Variants in LARGE1 observed in about 807,000 individuals in gnomAD.
LARGE1 encodes the protein xylosyl- and glucuronyltransferase LARGE1.
Under a neutral mutation model 87.6 loss-of-function variants are expected in LARGE1, and 43 were observed. That is an observed-to-expected ratio of 0.49 (90% CI 0.38 to 0.63). The LOEUF is 0.63. Ranked by LOEUF, LARGE1 falls within the 30% of genes least tolerant of loss-of-function variation. The pLI is 0.00. For synonymous variants in LARGE1, 434 were observed against 394.6 expected, an observed-to-expected ratio of 1.10 and a Z score of -1.18; for missense variants, 802 against 1,000.2, an observed-to-expected ratio of 0.80 and a Z score of 2.67.
intron 12 of LARGE1, among the ~76,000 whole-genome samples, chr22:33,297,401 G>T (rs1933441987): frequency 6.6e-6 from 1 of 152,054 alleles, no homozygotes; most frequent in South Asian, 2.1e-4. Context: ...CTGAGGTCAG[G>T]AGTCTGAGAC....
chr22:33,747,492 C>T (rs941177622), intron 2 of LARGE1, among the ~76,000 whole-genome samples: 3 of 152,146 alleles, frequency 2.0e-5, no homozygotes, highest in African/African-American at 4.8e-5. Context: ...CTTAATGTCA[C>T]CAGTAAGAGA....
intron 1 of LARGE1, among the ~76,000 whole-genome samples, chr22:33,831,775 CACACACACAT>C (rs2146337644): frequency 6.6e-6 from 1 of 151,912 alleles, no homozygotes; most frequent in South Asian, 2.1e-4. Context: ...CACACACACA[CACACACACAT>C]ACACATACAC....
intron 2 of LARGE1, among the ~76,000 whole-genome samples, chr22:33,676,074 A>G (rs1344903403): frequency 1.3e-5 from 2 of 152,014 alleles, no homozygotes; most frequent in African/African-American, 4.8e-5. Context: ...CATTAAAAGC[A>G]CTAGCAGTAC....
chr22:33,780,594 A>G (rs1038094915), intron 1 of LARGE1, among the ~76,000 whole-genome samples: 1 of 152,232 alleles, frequency 6.6e-6, no homozygotes, highest in African/African-American at 2.4e-5. Flanking sequence ...CCTGATGAAC[A>G]CAGCCTCTCT....
intron 2 of LARGE1, among the ~76,000 whole-genome samples, chr22:33,691,412 TCA>T (rs1220483808): frequency 6.6e-6 from 1 of 152,020 alleles, no homozygotes; most frequent in Non-Finnish European, 1.5e-5. Context: ...ACGACATTGA[TCA>T]CAGAGAGAAT....
At chr22:33,369,563 T>A (rs1332716184) in intron 9 of LARGE1, among the ~76,000 whole-genome samples, 1 of 152,018 alleles carries the variant, frequency 6.6e-6, no homozygotes, top group African/African-American at 2.4e-5. Context: ...TGGTGACTTT[T>A]CTTTTTCTTT....
chr22:33,161,907 C>T (rs1397130838), downstream of LARGE1, among the ~76,000 whole-genome samples: 1 of 152,186 alleles, frequency 6.6e-6, no homozygotes, highest in Non-Finnish European at 1.5e-5. Flanking sequence ...TTTCAAGAAC[C>T]ACCTTTATTC....
At chr22:33,215,817 G>A (rs1925176519) in intron 11 of LARGE1, among the ~76,000 whole-genome samples, 1 of 152,202 alleles carries the variant, frequency 6.6e-6, no homozygotes, top group Non-Finnish European at 1.5e-5. Flanking sequence ...TTAGCCAGGT[G>A]TGGTGGCGCA....
At chr22:33,287,908 G>A (rs143122534) in intron 12 of LARGE1, among the ~76,000 whole-genome samples, 349 of 152,308 alleles carry the variant, frequency 2.3e-3, no homozygotes, top group African/African-American at 8.3e-3. Context: ...TAGACAAGGC[G>A]TCTAGCTCTG....
chr22:33,356,410 G>T (rs1940894470), intron 9 of LARGE1, among the ~76,000 whole-genome samples: 1 of 152,204 alleles, frequency 6.6e-6, no homozygotes, highest in African/African-American at 2.4e-5. Context: ...TCCCAGCTGT[G>T]CCACCAACCG....
Position 33,519,230 on chromosome 22 carries a change from G to GCA in LARGE1, c.787+45617_787+45618insTG, listed in dbSNP as rs2071451126. On this transcript the variant is annotated intron_variant, in intron 6 of 14. Coordinates refer to ENST00000397394, the MANE Select transcript of LARGE1 (RefSeq NM_133642.5). Reference sequence around the variant, plus strand: ...GCAGGTCCCTGAGCTGCGTGCGTGCGCGCGCGTGTGTGTGTGTGTGTGTGT... The same window carrying GCA: ...GCAGGTCCCTGAGCTGCGTGCGTGCGCACGCGCGTGTGTGTGTGTGTGTGTGT... Among the ~76,000 whole-genome samples the GCA allele has an allele frequency of 3.6e-5, 5 of 137,720 alleles. No individual in the cohort carries two copies. The South Asian group carries it at 1.2e-3, about 33-fold the overall frequency. The allele number at this position is 137,720 out of a possible 152,430, so 90.3% of individuals were successfully genotyped here. A position where few individuals can be genotyped will look rare whatever the true frequency, so the allele number is the denominator to read the frequency against.
intron 1 of LARGE1, among the ~76,000 whole-genome samples, chr22:33,879,672 AAATT>A (rs1440810915): frequency 6.6e-6 from 1 of 152,182 alleles, no homozygotes; most frequent in Non-Finnish European, 1.5e-5. Flanking sequence ...CCTTTTAGTA[AAATT>A]AATTAACCAC....
At chr22:33,281,801 T>C (rs1930491804) in intron 13 of LARGE1, among the ~76,000 whole-genome samples, 1 of 152,158 alleles carries the variant, frequency 6.6e-6, no homozygotes, top group South Asian at 2.1e-4. Context: ...TTCATCTGTA[T>C]AAAATGTGAA....
intron 6 of LARGE1, among the ~76,000 whole-genome samples, chr22:33,545,737 C>A (rs1277799815): frequency 6.6e-6 from 1 of 152,076 alleles, no homozygotes; most frequent in East Asian, 1.9e-4. Context: ...CTGCGCCCAG[C>A]CAACACCCAG....
chr22:33,395,950 G>C (rs1045614473), intron 7 of LARGE1, among the ~76,000 whole-genome samples: 1 of 152,204 alleles, frequency 6.6e-6, no homozygotes, highest in Non-Finnish European at 1.5e-5. Flanking sequence ...CTGTCAGAAC[G>C]ATTTGCCCCT....
At chr22:33,506,896 G>A (rs1339698464) in intron 6 of LARGE1, among the ~76,000 whole-genome samples, 2 of 152,160 alleles carry the variant, frequency 1.3e-5, no homozygotes, top group Non-Finnish European at 2.9e-5. Context: ...GTTAGACTCT[G>A]TCTCAAACAA....
At chr22:33,595,193 G>A (rs1163941726) in intron 5 of LARGE1, among the ~76,000 whole-genome samples, 2 of 151,916 alleles carry the variant, frequency 1.3e-5, no homozygotes, top group South Asian at 2.1e-4. Context: ...GTACATAGTA[G>A]GTGTATATAT....
intron 10 of LARGE1, among the ~76,000 whole-genome samples, chr22:33,318,746 T>C (rs1000472310): frequency 6.6e-6 from 1 of 151,138 alleles, no homozygotes; most frequent in Non-Finnish European, 1.5e-5. Context: ...TTAAAGTATA[T>C]TAAAAAAAAA....
intron 1 of LARGE1, among the ~76,000 whole-genome samples, chr22:33,819,886 G>C (rs909037953): frequency 2.0e-5 from 3 of 152,196 alleles, no homozygotes; most frequent in African/African-American, 7.2e-5. Flanking sequence ...ATACAGTGAG[G>C]TGTGACCATG....
Sources: gnomAD v4.1 joint callset for allele counts (sites outside exome capture counted in the v4.1 genomes callset) on GRCh38, gnomAD v4.1.1 for gene constraint, MANE v1.5 for transcripts, NCBI Gene and HGNC (gene_info 2026-07-23, HGNC 2026-07-21) for gene names.